The following KIRREL3 variants were observed in gnomAD, a reference collection of about 807,000 sequenced individuals.
KIRREL3 encodes the protein kin of IRRE-like protein 3.
KIRREL3 carries 36 observed loss-of-function variants against 89.7 expected under a neutral mutation model. The observed-to-expected ratio is 0.40, with a 90% CI of 0.31 to 0.53. The LOEUF (loss-of-function observed/expected upper bound fraction) is 0.53, where lower values mean the gene tolerates loss of function less well. KIRREL3 is among the 20% of genes least tolerant of loss of function. KIRREL3 has a pLI of 0.49. For synonymous variants in KIRREL3, 445 were observed against 441.4 expected (o/e 1.01, Z -0.10); for missense variants, 864 against 1,056.6 (o/e 0.82, Z 2.53).
rs1306318252 is a variant in KIRREL3 at position 126,811,664 on chromosome 11, G to A, written c.55+188791C>T. Among the ~76,000 whole-genome samples the A allele has an allele frequency of 6.6e-6, 1 of 151,986 alleles. No individual in the cohort carries two copies. Among genetic ancestry groups the A allele is most frequent in the Non-Finnish European group, 1.5e-5 (1 of 68,004 alleles). On this transcript the variant is annotated intron_variant, in intron 1 of 16. Coordinates refer to ENST00000525144, the MANE Select transcript of KIRREL3 (RefSeq NM_032531.4). The surrounding 1 kb of genome is among the most constrained non-coding windows in gnomAD (Gnocchi z 4.3). ...TGGAATGGCATGATCTCAGCTCATT[G>A]CAACCTCTGCCTCCTAGGTTCAAGA... is the stretch of plus-strand genomic sequence containing the variant.
chr11:126,463,004 A>G lies in KIRREL3; in HGVS notation c.742+153T>C, dbSNP rs1956596511. ...ATCTCATGACAGTAAGGAAGACAAG[A>G]TGGTCCTTCCTGTCCGTATCTACAA... is the stretch of plus-strand genomic sequence containing the variant. On this transcript the variant is annotated intron_variant, in intron 6 of 16. Coordinates refer to ENST00000525144, the MANE Select transcript of KIRREL3 (RefSeq NM_032531.4). The surrounding 1 kb of genome is among the most constrained non-coding windows in gnomAD (Gnocchi z 5.9). Among the ~76,000 whole-genome samples the G allele has an allele frequency of 6.6e-6, 1 of 152,186 alleles. No homozygotes were observed. The highest frequency in any genetic ancestry group is 2.1e-4 in the South Asian group (1 of 4,824).
At position 126,796,598 on chromosome 11, in the gene KIRREL3, T is replaced by C. The variant is rs764565502; in HGVS notation, c.55+203857A>G. On this transcript the variant is annotated intron_variant, in intron 1 of 16. Coordinates refer to ENST00000525144, the MANE Select transcript of KIRREL3 (RefSeq NM_032531.4). This position sits in a 1 kb window ranked among gnomAD's most constrained non-coding sequence, Gnocchi z 5.1. ...ACTGGGTGATTGGGCACTAGAAATG[T>C]TGGCACAAGTGCCCTCTTATGTTAA... is the stretch of plus-strand genomic sequence containing the variant. Among the ~76,000 whole-genome samples, 4 of 152,246 alleles carry C rather than the reference T, an allele frequency of 2.6e-5. No individual in the cohort carries two copies. Among genetic ancestry groups the C allele is most frequent in the African/African-American group, 9.6e-5 (4 of 41,462 alleles).
chr11:126,939,415 A>G (rs1019975496), intron 1 of KIRREL3, among the ~76,000 whole-genome samples: 2 of 152,200 alleles, frequency 1.3e-5, no homozygotes, highest in Non-Finnish European at 2.9e-5. Flanking sequence ...TCAAGGGATC[A>G]TGGAACTCTG....
At position 126,747,738 on chromosome 11, in the gene KIRREL3, T is replaced by C. The variant is rs1743311949; in HGVS notation, c.56-184826A>G. ...GTCACAGAGTAAGCACTCAGCGCCG[T>C]GAATGAAGGAATGGGGTGAGGGAAC... On this transcript the variant is annotated intron_variant, in intron 1 of 16. Transcript: ENST00000525144. The surrounding 1 kb of genome is among the most constrained non-coding windows in gnomAD (Gnocchi z 4.7). Among the ~76,000 whole-genome samples the C allele has an allele frequency of 3.3e-5, 5 of 152,064 alleles. No homozygotes were observed. The highest frequency in any genetic ancestry group is 2.6e-4 in the Admixed American group (4 of 15,274).
rs1185822721 is a variant in KIRREL3, at chr11:126,977,450, A to G, written c.55+23005T>C. 6.6e-6 allele frequency among the ~76,000 whole-genome samples: 1 copy of G among 152,190 alleles called. No individual in the cohort carries two copies. Among genetic ancestry groups the G allele is most frequent in the Non-Finnish European group, 1.5e-5 (1 of 68,044 alleles). ...GCGATGCTCCTGATCCTCCAGGATC[A>G]GGGTCTGGCCATGCCCAGTGTCCTG... On this transcript the variant is annotated intron_variant, in intron 1 of 16. Coordinates refer to ENST00000525144, the MANE Select transcript of KIRREL3 (RefSeq NM_032531.4). This position sits in a 1 kb window ranked among gnomAD's most constrained non-coding sequence, Gnocchi z 4.7.
chr11:126,616,204 C>T (rs759538402), intron 1 of KIRREL3, among the ~76,000 whole-genome samples: 8 of 151,924 alleles, frequency 5.3e-5, no homozygotes, highest in East Asian at 1.9e-4. Flanking sequence ...CGTTCATGGG[C>T]GGCTGCAAGG....
At chr11:126,577,437 G>A (rs1479330331) in intron 1 of KIRREL3, among the ~76,000 whole-genome samples, 2 of 151,900 alleles carry the variant, frequency 1.3e-5, no homozygotes, top group African/African-American at 4.8e-5. Context: ...GTCCTAGCTG[G>A]CAACCAGCAT....
rs1350050805 is a variant in KIRREL3 at position 126,898,914 on chromosome 11, G to A, written c.55+101541C>T. On this transcript the variant is annotated intron_variant, in intron 1 of 16. Transcript: ENST00000525144. The surrounding 1 kb of genome is among the most constrained non-coding windows in gnomAD (Gnocchi z 4.9). ...GGTGATTTTGATGGCTACAATCCAG[G>A]CCCCCTTTCCCAACTGTCCTCCAAA... is the stretch of plus-strand genomic sequence containing the variant. Among the ~76,000 whole-genome samples, 6 of 151,796 alleles carry A rather than the reference G, an allele frequency of 4.0e-5. No individual in the cohort carries two copies. Among genetic ancestry groups the A allele is most frequent in the Admixed American group, 6.6e-5 (1 of 15,230 alleles).
chr11:126,806,016 G>T (rs1951192677), intron 1 of KIRREL3, among the ~76,000 whole-genome samples: 1 of 152,146 alleles, frequency 6.6e-6, no homozygotes, highest in Admixed American at 6.5e-5. Context: ...CACCAAATCT[G>T]TCACCTGTCA....
chr11:126,497,112 G>C (rs573406303), intron 4 of KIRREL3, among the ~76,000 whole-genome samples: 12 of 142,174 alleles, frequency 8.4e-5, no homozygotes, highest in Admixed American at 6.2e-4. Context: ...CTGCTTGGCT[G>C]TGTGTGTGTG....
At chr11:126,899,295 T>C (rs1037337724) in intron 1 of KIRREL3, among the ~76,000 whole-genome samples, 1 of 152,212 alleles carries the variant, frequency 6.6e-6, no homozygotes, top group Non-Finnish European at 1.5e-5. Context: ...TCACTCCTTG[T>C]AGACATGAAG....
upstream of KIRREL3, among the ~76,000 whole-genome samples, chr11:127,001,711 TTA>T (rs1555119666): frequency 2.0e-5 from 3 of 151,952 alleles, no homozygotes; most frequent in Non-Finnish European, 4.4e-5. Flanking sequence ...CTGGGTCTAT[TTA>T]CTTAATAGAC....
At position 126,640,918 on chromosome 11, in the gene KIRREL3, C is replaced by T. The variant is rs1842604040; in HGVS notation, c.56-78006G>A. Among the ~76,000 whole-genome samples the T allele has an allele frequency of 6.6e-6, 1 of 152,108 alleles. No individual in the cohort carries two copies. Among genetic ancestry groups the T allele is most frequent in the East Asian group, 1.9e-4 (1 of 5,190 alleles). ...TTAAACACCGACTCTACTCTGATGT[C>T]TCTCAATTTTGTATCCACAGCCTAG... On this transcript the variant is annotated intron_variant, in intron 1 of 16. Coordinates refer to ENST00000525144, the MANE Select transcript of KIRREL3 (RefSeq NM_032531.4). This position sits in a 1 kb window ranked among gnomAD's most constrained non-coding sequence, Gnocchi z 4.9.
At position 126,781,728 on chromosome 11, in the gene KIRREL3, C is replaced by A. The variant is rs149825689; in HGVS notation, c.55+218727G>T. ...CGGCCCATGCATCACGCAAGGACACCAAAGGGCTCTGTGGGCCACCCGGCT... is the reference window on the plus strand; with the variant it reads ...CGGCCCATGCATCACGCAAGGACACAAAAGGGCTCTGTGGGCCACCCGGCT... On this transcript the variant is annotated intron_variant, in intron 1 of 16. Coordinates refer to ENST00000525144, the MANE Select transcript of KIRREL3 (RefSeq NM_032531.4). Among the ~76,000 whole-genome samples the A allele has an allele frequency of 5.3e-5, 8 of 152,236 alleles. No individual in the cohort carries two copies. The East Asian group carries it at 1.5e-3, about 29-fold the overall frequency.
At chr11:126,497,301 A>C (rs1957702599) in intron 4 of KIRREL3, among the ~76,000 whole-genome samples, 1 of 152,004 alleles carries the variant, frequency 6.6e-6, no homozygotes, top group African/African-American at 2.4e-5. Flanking sequence ...AGAGAGAGAG[A>C]GAGCGAGAGA....
intron 1 of KIRREL3, among the ~76,000 whole-genome samples, chr11:126,956,342 C>T (rs778758823): frequency 6.6e-6 from 1 of 152,202 alleles, no homozygotes; most frequent in Non-Finnish European, 1.5e-5. Flanking sequence ...GTTAGCGAAT[C>T]TGATGTCAGA....
chr11:126,450,823 ATG>A lies in KIRREL3; in HGVS notation c.849-1668_849-1667del, dbSNP rs1009449680. Among the ~76,000 whole-genome samples the A allele has an allele frequency of 3.0e-3, 394 of 130,764 alleles. 4 individuals carry two copies. Among genetic ancestry groups the A allele is most frequent in the South Asian group, 5.1e-4 (2 of 3,898 alleles). 85.8% of individuals were successfully genotyped at this position (130,764 alleles called of 152,430 possible). On this transcript the variant is annotated intron_variant, in intron 7 of 16. Coordinates refer to ENST00000525144, the MANE Select transcript of KIRREL3 (RefSeq NM_032531.4). Reference sequence around the variant, plus strand: ...TGTCTGCATGTGAAAGTGTGGGCATATGTGTGTATGCGTGTATAGATGTGTGA... The same window carrying A: ...TGTCTGCATGTGAAAGTGTGGGCATATGTGTATGCGTGTATAGATGTGTGA...
rs1193113345 is a variant in KIRREL3, at chr11:126,643,506, G to A, written c.56-80594C>T. 1.3e-5 allele frequency among the ~76,000 whole-genome samples: 2 copies of A among 152,186 alleles called. No homozygotes were observed. The highest frequency in any genetic ancestry group is 2.4e-5 in the African/African-American group (1 of 41,440). ...AGAGGAGGTCATGGTTCAGGGAAAG[G>A]TGACTAGTGGGAAATAGGACTGAAG... On this transcript the variant is annotated intron_variant, in intron 1 of 16. Coordinates refer to ENST00000525144, the MANE Select transcript of KIRREL3 (RefSeq NM_032531.4). This position sits in a 1 kb window ranked among gnomAD's most constrained non-coding sequence, Gnocchi z 4.5.
At position 126,645,333 on chromosome 11, in the gene KIRREL3, A is replaced by C. The variant is rs1944625329; in HGVS notation, c.56-82421T>G. 6.6e-6 allele frequency among the ~76,000 whole-genome samples: 1 copy of C among 152,122 alleles called. No individual in the cohort carries two copies. The highest frequency in any genetic ancestry group is 2.4e-5 in the African/African-American group (1 of 41,422). On this transcript the variant is annotated intron_variant, in intron 1 of 16. Coordinates refer to ENST00000525144, the MANE Select transcript of KIRREL3 (RefSeq NM_032531.4). This position sits in a 1 kb window ranked among gnomAD's most constrained non-coding sequence, Gnocchi z 4.9. The stretch of plus-strand genomic sequence containing the variant: ...CTTCATGTGTGGTCCTCAAATCCTG[A>C]ATACTTCTCTCCCAGAGCATTTACC...
Sources: allele counts gnomAD v4.1 joint callset (sites outside exome capture counted in the v4.1 genomes callset), GRCh38; gene constraint gnomAD v4.1.1; non-coding constraint Gnocchi (gnomAD v3.1); transcripts MANE v1.5; gene names NCBI Gene and HGNC (gene_info 2026-07-23, HGNC 2026-07-21).